The following UPK1B variants were observed in gnomAD, a reference collection of about 807,000 sequenced individuals.
UPK1B encodes the protein uroplakin-1b.
A neutral mutation model predicts 34.2 loss-of-function variants in UPK1B; 28 were observed. The observed-to-expected ratio is 0.82, with a 90% CI of 0.61 to 1.12. UPK1B has a LOEUF of 1.12. Among genes scored for constraint, UPK1B ranks in the 50% most tolerant of loss-of-function variants. UPK1B has a pLI of 0.00. For missense variants in UPK1B, 325 were observed against 320.9 expected, an observed-to-expected ratio of 1.01 and a Z score of -0.10; for synonymous variants, 81 against 110.4, an observed-to-expected ratio of 0.73 and a Z score of 1.67.
At chr3:119,182,126 G>A (rs1318252928) in intron 1 of UPK1B, among the ~76,000 whole-genome samples, 1 of 152,192 alleles carries the variant, frequency 6.6e-6, no homozygotes, top group African/African-American at 2.4e-5. Flanking sequence ...GACTCTGGCC[G>A]CACCCCAAGC....
chr3:119,203,209 C>T (rs1453190718), intron 7 of UPK1B, among the ~76,000 whole-genome samples: 3 of 151,540 alleles, frequency 2.0e-5, no homozygotes, highest in Non-Finnish European at 2.9e-5. Flanking sequence ...GGCATGGTGG[C>T]GCGTGCCTGT....
intron 7 of UPK1B, among the ~76,000 whole-genome samples, chr3:119,199,837 A>G (rs2078083712): frequency 6.6e-6 from 1 of 152,176 alleles, no homozygotes; most frequent in Non-Finnish European, 1.5e-5. Context: ...TACACTCTCA[A>G]AAATTATTGA....
At chr3:119,198,806 AC>A (rs1225355548) in intron 6 of UPK1B, among the ~76,000 whole-genome samples, 1 of 152,226 alleles carries the variant, frequency 6.6e-6, no homozygotes, top group Non-Finnish European at 1.5e-5. Context: ...AAATAGCAGT[AC>A]TTTTTAGTGA....
intron 1 of UPK1B, among the ~76,000 whole-genome samples, chr3:119,180,263 G>A (rs1226234226): frequency 6.6e-6 from 1 of 152,212 alleles, no homozygotes; most frequent in Non-Finnish European, 1.5e-5. Context: ...GGCCAGCCAC[G>A]TTATGGAGGG....
At chr3:119,190,961 T>A in intron 4 of UPK1B, 21 bp from the exon 5 acceptor site, 1 of 1,612,910 alleles carries the variant, frequency 6.2e-7, no homozygotes, top group East Asian at 2.2e-5. Flanking sequence ...CTCCCTCTTG[T>A]GTTGCCTCTT....
chr3:119,197,023 G>C (rs960245331), intron 6 of UPK1B, among the ~76,000 whole-genome samples: 40 of 79,086 alleles, frequency 5.1e-4, no homozygotes, highest in Non-Finnish European at 1.1e-3. Flanking sequence ...ATTTTTTGTA[G>C]AGATGAGGTC....
intron 1 of UPK1B, among the ~76,000 whole-genome samples, chr3:119,178,315 A>C (rs1336682827): frequency 1.3e-5 from 2 of 152,246 alleles, no homozygotes; most frequent in Non-Finnish European, 2.9e-5. Flanking sequence ...GGTCAGCAAC[A>C]GAGAGTGGGG....
In UPK1B at chr3:119,187,860, A is replaced by G. The variant is rs1379327048; in HGVS notation, c.155A>G (p.Asn52Ser). 2 of 1,614,006 alleles carry G rather than the reference A, an allele frequency of 1.2e-6. No individual in the cohort carries two copies. Among genetic ancestry groups the G allele is most frequent in the Non-Finnish European group, 8.5e-7 (1 of 1,179,992 alleles). Residue 52 changes from asparagine to serine, a missense_variant, in exon 3 of 8, where the codon AAC (asparagine) becomes AGC (serine). By Grantham distance (46) the Asn-to-Ser change is conservative (BLOSUM62 1). Coordinates refer to ENST00000264234, the MANE Select transcript of UPK1B (RefSeq NM_006952.4). Reference sequence around the variant, plus strand: ...TACCCACTGCTTGAAGCCACCGACAACGATGACATCTATGGGGCTGCCTGG... The same window carrying G: ...TACCCACTGCTTGAAGCCACCGACAGCGATGACATCTATGGGGCTGCCTGG... ...SLYPLLEATD[N>S]DDIYGAAWIG...
At chr3:119,196,130 C>T (rs2078066401) in intron 6 of UPK1B, among the ~76,000 whole-genome samples, 1 of 152,148 alleles carries the variant, frequency 6.6e-6, no homozygotes, top group Admixed American at 6.6e-5. Flanking sequence ...CTGTTCCTGA[C>T]TTCCTGTGCT....
intron 1 of UPK1B, among the ~76,000 whole-genome samples, chr3:119,180,475 A>G (rs900229063): frequency 6.6e-6 from 1 of 152,210 alleles, no homozygotes; most frequent in Non-Finnish European, 1.5e-5. Context: ...AACCAGCGCA[A>G]GGTGTTCATT....
chr3:119,200,460 A>T (rs191009655), intron 7 of UPK1B, among the ~76,000 whole-genome samples: 189 of 152,378 alleles, frequency 1.2e-3, no homozygotes, highest in African/African-American at 4.0e-3. Flanking sequence ...TTTGTCTTGC[A>T]CTTTGCATAT....
chr3:119,186,864 A>C, intron 2 of UPK1B, 54 bp downstream of exon 2: 2 of 1,567,728 alleles, frequency 1.3e-6, no homozygotes, highest in Non-Finnish European at 1.8e-6. Flanking sequence ...TCATAATTCT[A>C]GATGAATCAA....
chr3:119,198,477 T>TA (rs1236251779), intron 6 of UPK1B, among the ~76,000 whole-genome samples: 2 of 152,160 alleles, frequency 1.3e-5, no homozygotes, highest in African/African-American at 4.8e-5. Flanking sequence ...ATTTGGTGAA[T>TA]AAAAAAATTA....
chr3:119,189,487 G>A (rs56193405), intron 3 of UPK1B, among the ~76,000 whole-genome samples: 23,541 of 152,282 alleles, frequency 0.15, 2,592 homozygotes, highest in African/African-American at 0.3. Context: ...TTTGCTGTTC[G>A]GATATTTTCC....
intron 1 of UPK1B, among the ~76,000 whole-genome samples, chr3:119,180,020 ACTACCAACCTCAGGTGAT>A (rs959426218): frequency 4.0e-5 from 6 of 150,798 alleles, no homozygotes; most frequent in South Asian, 2.1e-4. Flanking sequence ...CTGGTCTCGA[ACTACCAACCTCAGGTGAT>A]CTACCAACCT....
chr3:119,179,352 G>GATAGATATATAT (rs2077974672), intron 1 of UPK1B, among the ~76,000 whole-genome samples: 2 of 46,890 alleles, frequency 4.3e-5, no homozygotes, highest in African/African-American at 6.1e-5. Context: ...GAGAGAGGGA[G>GATAGATATATAT]ATATATATAT....
At chr3:119,197,577 T>C (rs1482803680) in intron 6 of UPK1B, among the ~76,000 whole-genome samples, 4 of 152,242 alleles carry the variant, frequency 2.6e-5, no homozygotes, top group African/African-American at 4.8e-5. Context: ...AATTATACTA[T>C]TGTAAACATT....
At chr3:119,196,529 CT>C (rs1402244963) in intron 6 of UPK1B, among the ~76,000 whole-genome samples, 1 of 129,340 alleles carries the variant, frequency 7.7e-6, no homozygotes, top group Non-Finnish European at 1.6e-5. Context: ...AATGGTTTTT[CT>C]TTTTCTTTTT....
At chr3:119,200,144 T>A (rs2078084997) in intron 7 of UPK1B, among the ~76,000 whole-genome samples, 1 of 152,188 alleles carries the variant, frequency 6.6e-6, no homozygotes, top group Non-Finnish European at 1.5e-5. Context: ...TATAGACATG[T>A]AATTAAAAAA....
Sources: gnomAD v4.1 joint callset for allele counts (sites outside exome capture counted in the v4.1 genomes callset) on GRCh38, gnomAD v4.1.1 for gene constraint, MANE v1.5 for transcripts, NCBI Gene and HGNC (gene_info 2026-07-23, HGNC 2026-07-21) for gene names.